The following ZNF536 variants were observed in gnomAD, a reference collection of about 807,000 sequenced individuals.
ZNF536 encodes the protein zinc finger protein 536.
A neutral mutation model predicts 84.5 loss-of-function variants in ZNF536; 13 were observed. That is an observed-to-expected ratio of 0.15 (90% CI 0.10 to 0.24). The LOEUF is 0.24. Ranked by LOEUF, ZNF536 falls within the 10% of genes least tolerant of loss-of-function variation. ZNF536 has a pLI of 1.00. For synonymous variants in ZNF536, 811 were observed against 742.5 expected (o/e 1.09, Z -1.50); for missense variants, 1,536 against 1,747.5 (o/e 0.88, Z 2.16).
In ZNF536 at chr19:30,252,114, C is replaced by T. The variant is rs4805535; in HGVS notation, c.-190+23441C>T. 0.042 allele frequency among the ~76,000 whole-genome samples: 6,325 copies of T among 152,126 alleles called. 811 individuals are homozygous for T. The East Asian group carries it at 0.43, about 10-fold the overall frequency. ...AATTAGCAAGAGAAAAACAAACAAT[C>T]CCAACAAAAAGTGGCCTAAGGACAT... On this transcript the variant is annotated intron_variant, in intron 1 of 5. Coordinates refer to the ZNF536 transcript ENST00000585628.
At chr19:30,381,751 G>A (rs1307795344) in intron 1 of ZNF536, among the ~76,000 whole-genome samples, 1 of 152,170 alleles carries the variant, frequency 6.6e-6, no homozygotes, top group African/African-American at 2.4e-5. Flanking sequence ...TTGTAAACAG[G>A]CTTTCTTTCC....
intron 2 of ZNF536, among the ~76,000 whole-genome samples, chr19:30,531,427 A>T (rs1480734895): frequency 1.3e-5 from 2 of 150,164 alleles, no homozygotes; most frequent in Admixed American, 6.6e-5. Context: ...TTTCTCCTGC[A>T]GTGTCTTCTT....
intron 2 of ZNF536, among the ~76,000 whole-genome samples, chr19:30,457,212 T>C (rs1392186047): frequency 2.6e-5 from 4 of 152,224 alleles, no homozygotes; most frequent in Non-Finnish European, 5.9e-5. Context: ...TCAAAGGATC[T>C]GAAAGGGCAA....
chr19:30,389,052 G>A (rs1419575836), intron 1 of ZNF536, among the ~76,000 whole-genome samples: 1 of 152,214 alleles, frequency 6.6e-6, no homozygotes, highest in Non-Finnish European at 1.5e-5. Context: ...GATTTACCAG[G>A]CTCCTCTTAC....
chr19:30,381,623 G>A (rs769753255), intron 1 of ZNF536, among the ~76,000 whole-genome samples: 32 of 152,208 alleles, frequency 2.1e-4, no homozygotes, highest in Non-Finnish European at 4.1e-4. Flanking sequence ...GGGAAATTAG[G>A]CCATAATGGC....
In ZNF536 at chr19:30,241,247, C is replaced by T. The variant is rs149384866; in HGVS notation, c.-190+12574C>T. Among the ~76,000 whole-genome samples, 266 of 152,256 alleles carry T rather than the reference C, an allele frequency of 1.7e-3. 1 individual carries two copies. The highest frequency in any genetic ancestry group is 5.8e-3 in the African/African-American group (242 of 41,528). ...GTGGGAGGATCACTTGAACCCAGTT[C>T]GAGCCTACAGTGAACAGTGATTGTG... On this transcript the variant is annotated intron_variant, in intron 1 of 5. Coordinates refer to the ZNF536 transcript ENST00000585628.
intron 2 of ZNF536, among the ~76,000 whole-genome samples, chr19:30,309,318 C>G (rs2046429220): frequency 6.6e-6 from 1 of 152,176 alleles, no homozygotes; most frequent in East Asian, 1.9e-4. Context: ...GGTTATCTAA[C>G]TGGTATCCCG....
upstream of ZNF536, among the ~76,000 whole-genome samples, chr19:30,227,958 G>A (rs1307901473): frequency 6.6e-6 from 1 of 152,088 alleles, no homozygotes; most frequent in Non-Finnish European, 1.5e-5. Context: ...GGTGTCCCCG[G>A]CGAGTTGGGC....
intron 1 of ZNF536, among the ~76,000 whole-genome samples, chr19:30,625,880 C>T (rs2048657045): frequency 6.6e-6 from 1 of 152,084 alleles, no homozygotes; most frequent in African/African-American, 2.4e-5. Context: ...CTATTCATTC[C>T]CATGTCTCAG....
chr19:30,424,414 A>G (rs1270248403), intron 1 of ZNF536, among the ~76,000 whole-genome samples: 1 of 152,022 alleles, frequency 6.6e-6, no homozygotes, highest in Non-Finnish European at 1.5e-5. Flanking sequence ...AACATCAAAC[A>G]CCCTGGGGCT....
At position 30,444,296 on chromosome 19, in the gene ZNF536, A is replaced by T. The variant is rs2148177942; in HGVS notation, c.734A>T (p.Asn245Ile). 6.3e-7 allele frequency: 1 copy of T among 1,578,558 alleles called. No individual in the cohort carries two copies. Among genetic ancestry groups the T allele is most frequent in the Non-Finnish European group, 8.5e-7 (1 of 1,169,846 alleles). The change falls in exon 2 of 5, where the codon AAC becomes ATC. Residue 245 changes from asparagine to isoleucine, a missense_variant. Around this residue, in one of 8 missense-constraint regions of ZNF536, gnomAD observed 138 missense variants for 136.8 expected, o/e 1.01. Coordinates refer to ENST00000355537, the MANE Select transcript of ZNF536 (RefSeq NM_014717.3). ...LAACTLALQA[N>I]HSVPDVAHPV... is the part of the protein sequence containing the mutation. ...GCCTGCACCCTGGCCCTGCAGGCTA[A>T]CCACAGCGTTCCCGACGTGGCCCAC...
chr19:30,547,844 T>C, intron 3 of ZNF536, 99 bp from the exon 4 acceptor site: 6 of 1,359,280 alleles, frequency 4.4e-6, no homozygotes, highest in South Asian at 1.6e-5. Flanking sequence ...TAGTTTGAGC[T>C]GCTTTGTTTC....
At chr19:30,474,560 T>C (rs2053770153) in intron 2 of ZNF536, among the ~76,000 whole-genome samples, 1 of 152,088 alleles carries the variant, frequency 6.6e-6, no homozygotes, top group Admixed American at 6.6e-5. Context: ...CATCACTCTG[T>C]CGGGGTGAAA....
intron 1 of ZNF536, among the ~76,000 whole-genome samples, chr19:30,424,550 C>T (rs1446355554): frequency 6.6e-6 from 1 of 152,000 alleles, no homozygotes; most frequent in Non-Finnish European, 1.5e-5. Flanking sequence ...AGAGACATTC[C>T]TGGGACAGGG....
At position 30,390,134 on chromosome 19, in the gene ZNF536, G is replaced by T. The variant is rs541698993; in HGVS notation, c.-3+17578G>T. ...TACTCCTTCCTAAGCACTTACTGTT[G>T]CCTGAATCTACTTCCTAGGGGTTAG... On this transcript the variant is annotated intron_variant, in intron 1 of 4. Transcript: ENST00000355537. 4.6e-5 allele frequency among the ~76,000 whole-genome samples: 7 copies of T among 152,278 alleles called. No individual in the cohort carries two copies. The South Asian group carries it at 6.2e-4, about 14-fold the overall frequency.
At chr19:30,711,382 T>C (rs2052449543) in exon 2 of ZNF536, 1 of 152,186 alleles carries the variant, frequency 6.6e-6, no homozygotes, top group East Asian at 1.9e-4. Flanking sequence ...TAGTGTTGCG[T>C]TGAAGATGGA....
intron 1 of ZNF536, among the ~76,000 whole-genome samples, chr19:30,659,583 G>A (rs988674315): frequency 6.6e-6 from 1 of 152,204 alleles, no homozygotes; most frequent in African/African-American, 2.4e-5. Context: ...TCACAAACAT[G>A]GTGGAAGGTG....
intron 2 of ZNF536, among the ~76,000 whole-genome samples, chr19:30,476,534 T>C (rs1268855369): frequency 1.3e-5 from 2 of 152,226 alleles, no homozygotes. Context: ...GTCAAACTGT[T>C]CAACATTGAT....
At chr19:30,436,533 T>C in intron 1 of ZNF536, 1 of 984,708 alleles carries the variant, frequency 1.0e-6, no homozygotes, top group Non-Finnish European at 1.2e-6. Context: ...AAGCATGAAA[T>C]CTCTGGTTTA....
Sources: allele counts gnomAD v4.1 joint callset (sites outside exome capture counted in the v4.1 genomes callset), GRCh38; gene constraint gnomAD v4.1.1; regional missense constraint gnomAD v4.1.1; transcripts MANE v1.5; gene names NCBI Gene and HGNC (gene_info 2026-07-23, HGNC 2026-07-21).